The following SP140 variants were observed in gnomAD, a reference collection of about 807,000 sequenced individuals.
SP140 encodes nuclear body protein SP140.
SP140 carries 81 observed loss-of-function variants against 125.0 expected under a neutral mutation model. That is an observed-to-expected ratio of 0.65 (90% CI 0.54 to 0.78). SP140 has a LOEUF of 0.78. Ranked by LOEUF, SP140 falls within the 30% of genes least tolerant of loss-of-function variation. SP140 has a pLI of 0.00. For missense variants in SP140, 858 were observed against 1,037.0 expected (o/e 0.83, Z 2.37); for synonymous variants, 312 against 354.0 (o/e 0.88, Z 1.33).
the SP140 span, among the ~76,000 whole-genome samples, chr2:230,192,771 G>A: frequency 6.6e-6 from 1 of 152,088 alleles, no homozygotes; most frequent in Admixed American, 6.5e-5. Flanking sequence ...AAAATTTATT[G>A]AGACTTGTTT....
chr2:230,282,922 T>C (rs1003674475), intron 15 of SP140, among the ~76,000 whole-genome samples: 1 of 152,320 alleles, frequency 6.6e-6, no homozygotes, highest in Non-Finnish European at 1.5e-5. Context: ...TTATCCTTGA[T>C]TTGTTTGTGT....
upstream of SP140, chr2:230,225,554 G>T (rs796616527): frequency 1.6e-4 from 77 of 483,902 alleles, no homozygotes; most frequent in African/African-American, 1.3e-3. Flanking sequence ...ACTTTGATCT[G>T]CTTGAGTTGA....
chr2:230,291,189 G>A (rs570257776), intron 19 of SP140, among the ~76,000 whole-genome samples: 6 of 152,248 alleles, frequency 3.9e-5, no homozygotes, highest in African/African-American at 1.4e-4. Flanking sequence ...CTATTAGAAT[G>A]GCCATCATCT....
intron 15 of SP140, among the ~76,000 whole-genome samples, chr2:230,283,227 A>G (rs2055868494): frequency 6.6e-6 from 1 of 152,176 alleles, no homozygotes; most frequent in African/African-American, 2.4e-5. Flanking sequence ...GACAGATATC[A>G]CCAATGCTCC....
intron 15 of SP140, among the ~76,000 whole-genome samples, chr2:230,271,721 A>G (rs934879568): frequency 6.6e-6 from 1 of 152,180 alleles, no homozygotes; most frequent in Non-Finnish European, 1.5e-5. Flanking sequence ...GCTAAACGAA[A>G]AAGAATCAAG....
intron 15 of SP140, among the ~76,000 whole-genome samples, chr2:230,279,145 G>A (rs2055158310): frequency 1.3e-5 from 2 of 152,110 alleles, no homozygotes; most frequent in South Asian, 4.1e-4. Flanking sequence ...TGAAAACTAT[G>A]ACATTGATGA....
chr2:230,212,607 G>A (rs2044618767), intron 1 of SP140, among the ~76,000 whole-genome samples: 1 of 152,172 alleles, frequency 6.6e-6, no homozygotes, highest in African/African-American at 2.4e-5. Flanking sequence ...CCCCGGCAGT[G>A]CTCATAATCC....
rs371035660 is a variant in SP140 at position 230,309,263 on chromosome 2, G to C, written c.2059-661G>C. 1.8e-3 allele frequency among the ~76,000 whole-genome samples: 267 copies of C among 152,300 alleles called. 6 individuals carry two copies. In the South Asian group the frequency reaches 0.048, roughly 28 times the overall value. ...ACCATTGTCCTTGGTCATCAGAGAT[G>C]GCACCTTCGCACCTTACAATCCAAG... is the stretch of plus-strand genomic sequence containing the variant. On this transcript the variant is annotated intron_variant, in intron 22 of 26. Coordinates refer to ENST00000392045, the MANE Select transcript of SP140 (RefSeq NM_007237.5).
chr2:230,192,004 C>T, the SP140 span, among the ~76,000 whole-genome samples: 1 of 152,170 alleles, frequency 6.6e-6, no homozygotes, highest in African/African-American at 2.4e-5. Context: ...TAAGCATAAT[C>T]CATCACATAA....
chr2:230,203,716 T>C (rs1227898324), intron 1 of SP140: 2 of 152,250 alleles, frequency 1.3e-5, no homozygotes, highest in African/African-American at 4.8e-5. Context: ...TCAGCACTAC[T>C]ATATATATTT....
intron 22 of SP140, among the ~76,000 whole-genome samples, chr2:230,301,086 C>T (rs758528978): frequency 6.6e-6 from 1 of 152,084 alleles, no homozygotes; most frequent in South Asian, 2.1e-4. Context: ...TGGAATTAAC[C>T]CAATCCAACA....
chr2:230,200,473 G>A (rs574683170), upstream of SP140: 1 of 197,272 alleles, frequency 5.1e-6, no homozygotes, highest in South Asian at 8.2e-5. Flanking sequence ...GGCCACATGA[G>A]AAATATGGAG....
In SP140 at chr2:230,294,312, A is replaced by C; in HGVS notation, c.2010A>C (p.Lys670Asn). 1.9e-6 allele frequency: 3 copies of C among 1,610,638 alleles called. No individual in the cohort carries two copies. Among genetic ancestry groups the C allele is most frequent in the Non-Finnish European group, 2.5e-6 (3 of 1,176,820 alleles). The change falls in exon 21 of 27, where the codon AAA becomes AAC. Residue 670 changes from lysine to asparagine, a missense_variant. By Grantham distance (94) the Lys-to-Asn change is moderately conservative. Transcript: ENST00000392045. ...LPDPPRIRYR[K>N]KKRILKSQNN... The stretch of plus-strand genomic sequence containing the variant: ...ATCCTCCAAGAATACGTTACAGGAA[A>C]AAAAAGGTGATTATTACATAGCTTT...
At chr2:230,301,700 C>A (rs755952383) in intron 22 of SP140, among the ~76,000 whole-genome samples, 1 of 152,102 alleles carries the variant, frequency 6.6e-6, no homozygotes, top group South Asian at 2.1e-4. Flanking sequence ...ATAAATATCA[C>A]AGGCCTATTA....
the SP140 span, among the ~76,000 whole-genome samples, chr2:230,192,364 A>G: frequency 6.6e-6 from 1 of 152,326 alleles, no homozygotes; most frequent in Non-Finnish European, 1.5e-5. Flanking sequence ...TGCAGATGAC[A>G]TGATTATATA....
chr2:230,215,769 G>A (rs906988034), intron 3 of SP140, among the ~76,000 whole-genome samples: 2 of 152,256 alleles, frequency 1.3e-5, no homozygotes, highest in African/African-American at 2.4e-5. Flanking sequence ...GGGGGTCAGG[G>A]TAGGCACTGT....
chr2:230,247,116 A>G (rs928922816), intron 7 of SP140, among the ~76,000 whole-genome samples: 7 of 152,240 alleles, frequency 4.6e-5, no homozygotes, highest in African/African-American at 1.7e-4. Context: ...TGAGGCTTTC[A>G]TGTCTCTCCC....
chr2:230,214,820 G>T, intron 3 of SP140: 1 of 766,480 alleles, frequency 1.3e-6, no homozygotes, highest in Admixed American at 2.0e-5. Context: ...ACCAATGAGA[G>T]AATATGGTCC....
chr2:230,221,232 G>A (rs2045790030), upstream of SP140, among the ~76,000 whole-genome samples: 1 of 148,588 alleles, frequency 6.7e-6, no homozygotes, highest in African/African-American at 2.5e-5. Context: ...AGTGAGCCGA[G>A]ATCGCACCAC....
Sources: allele counts gnomAD v4.1 joint callset (sites outside exome capture counted in the v4.1 genomes callset), GRCh38; gene constraint gnomAD v4.1.1; transcripts MANE v1.5; gene names NCBI Gene and HGNC (gene_info 2026-07-23, HGNC 2026-07-21).